IMMP2L: variants seen among roughly 807,000 people sequenced by gnomAD.
The protein encoded by IMMP2L is inner mitochondrial membrane peptidase subunit 2, also known as mitochondrial inner membrane protease subunit 2.
IMMP2L carries 18 observed loss-of-function variants against 19.3 expected under a neutral mutation model. The observed-to-expected ratio is 0.93, with a 90% CI of 0.64 to 1.38. IMMP2L has a LOEUF of 1.38. IMMP2L is among the 40% of genes most tolerant of loss of function. IMMP2L has a pLI of 0.00. For synonymous variants in IMMP2L, 76 were observed against 73.0 expected (o/e 1.04, Z -0.21); for missense variants, 233 against 218.2 (o/e 1.07, Z -0.43).
In IMMP2L at chr7:110,663,482, G is replaced by A. The variant is rs112968535; in HGVS notation, c.*120C>T. On this transcript the variant is annotated 3_prime_UTR_variant, in exon 6 of 6. Coordinates refer to ENST00000405709, the MANE Select transcript of IMMP2L (RefSeq NM_032549.4). ...ATAATACAGATCGTTTTAATGTGCT[G>A]TAAATATTTCTCGCACAGCATCATA... 9.4e-5 allele frequency: 76 copies of A among 811,570 alleles called. No individual in the cohort carries two copies. The African/African-American group carries it at 1.2e-3, about 13-fold the overall frequency. 50.3% of individuals were successfully genotyped at this position (811,570 alleles called of 1,614,324 possible).
chr7:111,491,885 T>A (rs1210904673), intron 2 of IMMP2L, among the ~76,000 whole-genome samples: 1 of 151,958 alleles, frequency 6.6e-6, no homozygotes. Flanking sequence ...GAACTTTCAC[T>A]GCATTCGTTT....
chr7:111,274,924 T>C (rs933659985), intron 3 of IMMP2L, among the ~76,000 whole-genome samples: 8 of 152,130 alleles, frequency 5.3e-5, no homozygotes, highest in African/African-American at 1.9e-4. Flanking sequence ...CGTAAAGCAC[T>C]CACGCTTGAT....
chr7:110,812,734 T>C (rs1310415572), intron 5 of IMMP2L, among the ~76,000 whole-genome samples: 1 of 152,020 alleles, frequency 6.6e-6, no homozygotes, highest in African/African-American at 2.4e-5. Context: ...ATCATGAACA[T>C]TAACTCATAA....
rs116432334 is a variant in IMMP2L, at chr7:111,289,895, A to G, written c.239+197343T>C. The stretch of plus-strand genomic sequence containing the variant: ...ATGTTGACACAGCTCCAGGTTTTAC[A>G]TAAATTTAAAGGCCATTTGAATTGG... On this transcript the variant is annotated intron_variant, in intron 3 of 5. Transcript: ENST00000405709. 6.0e-3 allele frequency among the ~76,000 whole-genome samples: 913 copies of G among 152,108 alleles called. 9 individuals are homozygous for G. Among genetic ancestry groups the G allele is most frequent in the African/African-American group, 0.021 (864 of 41,478 alleles).
At chr7:111,145,782 C>T (rs779218915) in intron 3 of IMMP2L, among the ~76,000 whole-genome samples, 1 of 151,986 alleles carries the variant, frequency 6.6e-6, no homozygotes, top group Non-Finnish European at 1.5e-5. Flanking sequence ...GAAGCAAAAA[C>T]TTGGGAGAAA....
chr7:110,812,515 A>G (rs191472891), intron 5 of IMMP2L, among the ~76,000 whole-genome samples: 135 of 152,164 alleles, frequency 8.9e-4, no homozygotes, highest in Non-Finnish European at 9.0e-4. Context: ...TCTCGCTGCT[A>G]TCTTCTAGGA....
chr7:111,396,079 C>A (rs1336686409), intron 3 of IMMP2L, among the ~76,000 whole-genome samples: 1 of 152,086 alleles, frequency 6.6e-6, no homozygotes, highest in Non-Finnish European at 1.5e-5. Flanking sequence ...TGTGGCAATT[C>A]CTCAAGGATC....
chr7:111,388,666 T>C (rs1275746622), intron 3 of IMMP2L, among the ~76,000 whole-genome samples: 1 of 151,892 alleles, frequency 6.6e-6, no homozygotes, highest in Non-Finnish European at 1.5e-5. Context: ...TACATGGCAG[T>C]GGCAAGAGAA....
chr7:110,931,510 A>C (rs1375271234), intron 4 of IMMP2L, among the ~76,000 whole-genome samples: 1 of 152,002 alleles, frequency 6.6e-6, no homozygotes, highest in Non-Finnish European at 1.5e-5. Context: ...TCCTCTGTTT[A>C]CTTCAGCCCG....
At chr7:110,978,853 A>G (rs1328928010) in intron 3 of IMMP2L, among the ~76,000 whole-genome samples, 1 of 152,084 alleles carries the variant, frequency 6.6e-6, no homozygotes, top group South Asian at 2.1e-4. Flanking sequence ...TTGTATACCA[A>G]AAACACGAAG....
chr7:111,512,082 A>G (rs1033607459), intron 2 of IMMP2L, among the ~76,000 whole-genome samples: 1 of 152,208 alleles, frequency 6.6e-6, no homozygotes, highest in African/African-American at 2.4e-5. Context: ...CTGTACACAA[A>G]TATCTATAGC....
chr7:111,085,161 CTGACA>C (rs146838397), intron 3 of IMMP2L, among the ~76,000 whole-genome samples: 7,701 of 152,162 alleles, frequency 0.051, 319 homozygotes, highest in African/African-American at 0.11. Context: ...TCATTGATTC[CTGACA>C]TGTCATCCTT....
intron 3 of IMMP2L, among the ~76,000 whole-genome samples, chr7:111,281,434 G>A (rs1819877684): frequency 6.6e-6 from 1 of 152,116 alleles, no homozygotes; most frequent in African/African-American, 2.4e-5. Context: ...TCAAGAAACT[G>A]TCACAAACCT....
intron 3 of IMMP2L, among the ~76,000 whole-genome samples, chr7:111,372,619 C>T (rs1446212997): frequency 1.3e-5 from 2 of 148,226 alleles, no homozygotes; most frequent in Non-Finnish European, 3.0e-5. Flanking sequence ...GAGTTCTGTT[C>T]TTTTTTTTTT....
Position 111,123,060 on chromosome 7 carries a change from C to T in IMMP2L, c.240-159495G>A, listed in dbSNP as rs766188616. ...CAGACTTTCCAGTAAACCTTACTGG[C>T]CTGGATTTATCTCAAAACAATTTAT... On this transcript the variant is annotated intron_variant, in intron 3 of 5. Transcript: ENST00000405709. This position sits in a 1 kb window ranked among gnomAD's most constrained non-coding sequence, Gnocchi z 6.4. 4 of 1,613,716 alleles carry T rather than the reference C, an allele frequency of 2.5e-6. No individual in the cohort carries two copies. Among genetic ancestry groups the T allele is most frequent in the Non-Finnish European group, 3.4e-6 (4 of 1,179,888 alleles).
At chr7:111,190,479 A>G (rs1808744602) in intron 3 of IMMP2L, among the ~76,000 whole-genome samples, 1 of 152,130 alleles carries the variant, frequency 6.6e-6, no homozygotes, top group Non-Finnish European at 1.5e-5. Context: ...TATAAAACAC[A>G]AAAAATACAA....
chr7:111,217,875 A>C (rs2129619986), intron 3 of IMMP2L, among the ~76,000 whole-genome samples: 1 of 152,142 alleles, frequency 6.6e-6, no homozygotes, highest in African/African-American at 2.4e-5. Context: ...TAAGTTTAGT[A>C]TTTTTGGCAA....
intron 5 of IMMP2L, among the ~76,000 whole-genome samples, chr7:110,733,739 G>A (rs957265269): frequency 6.6e-6 from 1 of 152,032 alleles, no homozygotes; most frequent in Non-Finnish European, 1.5e-5. Context: ...ATACATTAAG[G>A]GGATTAGTGT....
intron 3 of IMMP2L, among the ~76,000 whole-genome samples, chr7:110,977,668 T>C (rs944540712): frequency 6.6e-6 from 1 of 151,962 alleles, no homozygotes; most frequent in African/African-American, 2.4e-5. Flanking sequence ...GACTTCTCTC[T>C]TTCCTTCCCT....
Sources: allele counts gnomAD v4.1 joint callset (sites outside exome capture counted in the v4.1 genomes callset), GRCh38; gene constraint gnomAD v4.1.1; non-coding constraint Gnocchi (gnomAD v3.1); transcripts MANE v1.5; gene names NCBI Gene and HGNC (gene_info 2026-07-23, HGNC 2026-07-21).